LHFPL6: variants seen among roughly 807,000 people sequenced by gnomAD.
The protein encoded by LHFPL6 is LHFPL tetraspan subfamily member 6 protein.
LHFPL6 carries 9 observed loss-of-function variants against 20.6 expected under a neutral mutation model. The ratio of observed to expected loss-of-function variants is 0.44; its 90% CI spans 0.26 to 0.76. The LOEUF (loss-of-function observed/expected upper bound fraction) is 0.76, where lower values mean the gene tolerates loss of function less well. LHFPL6 is among the 30% of genes least tolerant of loss of function. The pLI, the probability that LHFPL6 is intolerant of heterozygous loss-of-function variation, is 0.20. For missense variants in LHFPL6, 218 were observed against 253.5 expected, an observed-to-expected ratio of 0.86 and a Z score of 0.95; for synonymous variants, 105 against 98.7, an observed-to-expected ratio of 1.06 and a Z score of -0.38.
intron 2 of LHFPL6, among the ~76,000 whole-genome samples, chr13:39,469,469 A>G (rs1179624506): frequency 6.6e-6 from 1 of 152,164 alleles, no homozygotes; most frequent in Non-Finnish European, 1.5e-5. Context: ...GAATATAGGC[A>G]GCTCCCCTGA....
At chr13:39,374,510 A>G (rs928532233) in intron 3 of LHFPL6, among the ~76,000 whole-genome samples, 3 of 152,030 alleles carry the variant, frequency 2.0e-5, no homozygotes, top group East Asian at 3.9e-4. Flanking sequence ...AAACTTGCAC[A>G]TGTACCCACT....
At chr13:39,531,829 T>A (rs1028006448) in intron 2 of LHFPL6, among the ~76,000 whole-genome samples, 4 of 152,134 alleles carry the variant, frequency 2.6e-5, no homozygotes, top group African/African-American at 9.7e-5. Context: ...CTGCCACAAG[T>A]AAGCTGAAGA....
chr13:39,485,288 T>C (rs997748840), intron 2 of LHFPL6, among the ~76,000 whole-genome samples: 1 of 152,196 alleles, frequency 6.6e-6, no homozygotes, highest in Non-Finnish European at 1.5e-5. Context: ...CTTAGAGGCA[T>C]TGTAATACTT....
At chr13:39,579,182 G>T (rs1212919870) in intron 2 of LHFPL6, among the ~76,000 whole-genome samples, 1 of 152,102 alleles carries the variant, frequency 6.6e-6, no homozygotes, top group African/African-American at 2.4e-5. Context: ...CACCCAAGAG[G>T]ATTACTCTGG....
intron 2 of LHFPL6, among the ~76,000 whole-genome samples, chr13:39,418,548 C>A (rs1453247363): frequency 6.6e-6 from 1 of 152,026 alleles, no homozygotes; most frequent in Non-Finnish European, 1.5e-5. Context: ...GTAAAAGCTG[C>A]ATATTAAAAG....
At chr13:39,362,586 C>A (rs1223751433) in intron 3 of LHFPL6, among the ~76,000 whole-genome samples, 1 of 152,186 alleles carries the variant, frequency 6.6e-6, no homozygotes, top group East Asian at 1.9e-4. Flanking sequence ...ATATGATATG[C>A]AAAATGAGAC....
intron 2 of LHFPL6, among the ~76,000 whole-genome samples, chr13:39,589,576 T>C (rs1267430641): frequency 6.6e-6 from 1 of 152,166 alleles, no homozygotes; most frequent in African/African-American, 2.4e-5. Context: ...AGCTAAAATT[T>C]CCATTTGTTT....
At chr13:39,599,708 A>T (rs1365762013) in intron 2 of LHFPL6, among the ~76,000 whole-genome samples, 1 of 152,242 alleles carries the variant, frequency 6.6e-6, no homozygotes, top group Non-Finnish European at 1.5e-5. Context: ...ACAAGAATTA[A>T]ACTTTACTGA....
chr13:39,537,237 T>C (rs1324422495), intron 2 of LHFPL6, among the ~76,000 whole-genome samples: 1 of 152,162 alleles, frequency 6.6e-6, no homozygotes. Flanking sequence ...AAGTTCACAG[T>C]CCTCGGCACG....
intron 2 of LHFPL6, among the ~76,000 whole-genome samples, chr13:39,411,419 C>A (rs548283739): frequency 6.6e-6 from 1 of 152,286 alleles, no homozygotes; most frequent in South Asian, 2.1e-4. Context: ...AGGAGGTGAG[C>A]CACTTTTTGG....
At chr13:39,551,017 T>C (rs1241453648) in intron 2 of LHFPL6, among the ~76,000 whole-genome samples, 3 of 152,152 alleles carry the variant, frequency 2.0e-5, no homozygotes, top group Non-Finnish European at 4.4e-5. Context: ...CTCTTTTATA[T>C]GTATGGGGCT....
At chr13:39,431,333 G>A (rs1352233773) in intron 2 of LHFPL6, among the ~76,000 whole-genome samples, 1 of 152,066 alleles carries the variant, frequency 6.6e-6, no homozygotes, top group East Asian at 1.9e-4. Flanking sequence ...AACATCTGAA[G>A]GAACAAACTC....
At chr13:39,490,273 ATC>A (rs1205022841) in intron 2 of LHFPL6, among the ~76,000 whole-genome samples, 1 of 152,192 alleles carries the variant, frequency 6.6e-6, no homozygotes, top group Non-Finnish European at 1.5e-5. Flanking sequence ...TTATGCAGGA[ATC>A]TCTCTCTTAG....
At chr13:39,348,822 C>A (rs1299129941) in intron 3 of LHFPL6, among the ~76,000 whole-genome samples, 1 of 152,206 alleles carries the variant, frequency 6.6e-6, no homozygotes. Context: ...CTACCCTCTT[C>A]CTAGGGCAAA....
intron 2 of LHFPL6, among the ~76,000 whole-genome samples, chr13:39,523,308 G>C (rs1209313157): frequency 6.6e-6 from 1 of 152,116 alleles, no homozygotes; most frequent in Non-Finnish European, 1.5e-5. Flanking sequence ...GGTGGCTCAC[G>C]CCTGTAATCC....
intron 2 of LHFPL6, among the ~76,000 whole-genome samples, chr13:39,471,970 A>C (rs932703770): frequency 1.3e-5 from 2 of 152,218 alleles, no homozygotes; most frequent in Non-Finnish European, 2.9e-5. Context: ...GATAGGATAC[A>C]TGGAATGCAT....
At chr13:39,354,741 T>A (rs1242468416) in intron 3 of LHFPL6, among the ~76,000 whole-genome samples, 1 of 152,132 alleles carries the variant, frequency 6.6e-6, no homozygotes, top group Non-Finnish European at 1.5e-5. Context: ...AAAAATTCAC[T>A]GCACGAATTT....
At chr13:39,434,416 C>A (rs1394456969) in intron 2 of LHFPL6, among the ~76,000 whole-genome samples, 1 of 152,204 alleles carries the variant, frequency 6.6e-6, no homozygotes, top group East Asian at 1.9e-4. Flanking sequence ...GTTTCTCTAT[C>A]AAGCATTTGC....
At chr13:39,458,087 A>G (rs1484848338) in intron 2 of LHFPL6, among the ~76,000 whole-genome samples, 1 of 152,322 alleles carries the variant, frequency 6.6e-6, no homozygotes, top group East Asian at 1.9e-4. Flanking sequence ...GGTACATTCA[A>G]TTACATAATG....
Sources: allele counts gnomAD v4.1 joint callset (sites outside exome capture counted in the v4.1 genomes callset), GRCh38; gene constraint gnomAD v4.1.1; transcripts MANE v1.5; gene names NCBI Gene and HGNC (gene_info 2026-07-23, HGNC 2026-07-21).